Variants in POLA1 observed in about 807,000 individuals in gnomAD.
The protein encoded by POLA1 is DNA polymerase alpha 1, catalytic subunit.
Under a neutral mutation model 124.0 loss-of-function variants are expected in POLA1, and 15 were observed. The ratio of observed to expected loss-of-function variants is 0.12; its 90% CI spans 0.08 to 0.19. POLA1 has a LOEUF of 0.19. POLA1 is among the 10% of genes least tolerant of loss of function. The pLI is 1.00. For synonymous variants in POLA1, 408 were observed against 389.4 expected, an observed-to-expected ratio of 1.05 and a Z score of -0.56; for missense variants, 886 against 1,103.4, an observed-to-expected ratio of 0.80 and a Z score of 2.79.
chrX:24,719,790 C>T lies in POLA1; in HGVS notation c.1087+2032C>T, dbSNP rs766866097. Among the ~76,000 whole-genome samples the T allele has an allele frequency of 3.6e-5, 4 of 111,813 alleles. No individual in the cohort carries two copies. In the Admixed American group the frequency reaches 3.8e-4, roughly 11 times the overall value. On this transcript the variant is annotated intron_variant, in intron 10 of 36. Transcript: ENST00000379068. ...AGCCATCCTTGATTCCCTCCTTTTC[C>T]TCACTTTCCTTTCCAAGTCTGGTTA...
chrX:24,947,560 C>T (rs1288207215), intron 36 of POLA1, among the ~76,000 whole-genome samples: 5 of 111,133 alleles, frequency 4.5e-5, no homozygotes, highest in South Asian at 7.6e-4. Flanking sequence ...CAGGAGCCAC[C>T]GCATCCAGCC....
At chrX:24,836,218 G>A (rs5944688) in intron 32 of POLA1, among the ~76,000 whole-genome samples, 23,568 of 111,223 alleles carry the variant, frequency 0.21, 1,911 homozygotes, top group South Asian at 0.35. Flanking sequence ...TGTAAATTCT[G>A]TATAATATTT....
intron 35 of POLA1, among the ~76,000 whole-genome samples, chrX:24,923,093 A>G (rs187974709): frequency 4.5e-5 from 5 of 111,458 alleles, no homozygotes; most frequent in Non-Finnish European, 9.4e-5. Flanking sequence ...ATATTTCAAC[A>G]TCTGCAGTAT....
chrX:24,705,309 G>A (rs1001137029), intron 4 of POLA1, among the ~76,000 whole-genome samples: 17 of 111,203 alleles, frequency 1.5e-4, no homozygotes, highest in African/African-American at 4.6e-4. Flanking sequence ...GTTTTTAAGC[G>A]GTATTTTAAA....
chrX:24,786,878 G>A (rs1409265805), intron 26 of POLA1, among the ~76,000 whole-genome samples: 1 of 106,650 alleles, frequency 9.4e-6, no homozygotes, highest in African/African-American at 3.4e-5. Context: ...TAAAGATGGG[G>A]TTTTGCCATG....
intron 36 of POLA1, among the ~76,000 whole-genome samples, chrX:24,950,244 C>T (rs1034668533): frequency 5.4e-5 from 6 of 112,038 alleles, no homozygotes; most frequent in East Asian, 2.8e-4. Context: ...CACTGTCCAC[C>T]GGAACTCTTT....
chrX:24,812,863 A>G lies in POLA1; in HGVS notation c.3296A>G (p.Asn1099Ser), dbSNP rs757079419. Residue 1099 changes from asparagine (N) to serine (S), a missense_variant and splice_region_variant, in exon 29 of 37, where the codon AAC (asparagine) becomes AGC (serine). Transcript: ENST00000379068. ...DWCDLAKDTG[N>S]FVIGQILSDQ... ...TGTGATCTTGCTAAAGACACTGGAA[A>G]GTGAGTTCAGCTTTCAGTTTTGCTT... 9.6e-6 allele frequency: 11 copies of G among 1,140,329 alleles called. No homozygotes were observed. In the African/African-American group the frequency reaches 1.6e-4, roughly 17 times the overall value. The allele number at this position is 1,140,329 out of a possible 1,213,427, so 94.0% of individuals were successfully genotyped here. A position where few individuals can be genotyped will look rare whatever the true frequency, so the allele number is the denominator to read the frequency against.
At chrX:24,916,281 T>TTTTTTC (rs1353351240) in intron 35 of POLA1, among the ~76,000 whole-genome samples, 6 of 104,260 alleles carry the variant, frequency 5.8e-5, no homozygotes, top group Admixed American at 2.0e-4. Flanking sequence ...TTTTTTTTTC[T>TTTTTTC]TTTTTCTTTT....
At chrX:24,857,459 T>A (rs774188372) in intron 34 of POLA1, among the ~76,000 whole-genome samples, 1 of 111,996 alleles carries the variant, frequency 8.9e-6, no homozygotes, top group Non-Finnish European at 1.9e-5. Context: ...TTTATTGGAA[T>A]TGTGTTAAAT....
intron 26 of POLA1, among the ~76,000 whole-genome samples, chrX:24,766,589 T>C (rs906576578): frequency 4.5e-5 from 5 of 111,901 alleles, no homozygotes; most frequent in Non-Finnish European, 7.5e-5. Flanking sequence ...GAAAAAAAGC[T>C]ATAAATAATT....
chrX:24,904,603 A>G (rs1163886506), intron 35 of POLA1, among the ~76,000 whole-genome samples: 1 of 111,111 alleles, frequency 9.0e-6, no homozygotes, highest in Non-Finnish European at 1.9e-5. Context: ...AGTCACAAAA[A>G]TACATGACAA....
In POLA1 at chrX:24,903,556, C is replaced by G. The variant is rs185758250; in HGVS notation, c.4164+15434C>G. On this transcript the variant is annotated intron_variant, in intron 35 of 36. Transcript: ENST00000379068. ...AGACCTTTGAAGCAAAACAACAGTT[C>G]TTAAAATATGACAACATATAGAATT... Among the ~76,000 whole-genome samples the G allele has an allele frequency of 5.4e-5, 6 of 111,896 alleles. No individual in the cohort carries two copies. In the East Asian group the frequency reaches 1.1e-3, roughly 21 times the overall value.
intron 36 of POLA1, among the ~76,000 whole-genome samples, chrX:24,955,691 G>C (rs750024294): frequency 5.4e-5 from 6 of 112,026 alleles, no homozygotes; most frequent in Non-Finnish European, 1.9e-5. Flanking sequence ...GACTGACATG[G>C]ACTTGATGAG....
Position 24,760,944 on chromosome X carries a change from A to G in POLA1, c.2964+11952A>G, listed in dbSNP as rs1423944546. On this transcript the variant is annotated intron_variant, in intron 26 of 36. Transcript: ENST00000379068. ...TGTCCTTGTTTCCTTTTTATTGTTA[A>G]TTTTGTGGTTGAATTGGCTTGTATC... Among the ~76,000 whole-genome samples the G allele has an allele frequency of 9.0e-5, 10 of 111,533 alleles. 1 individual carries two copies. The Admixed American group carries it at 9.5e-4, about 11-fold the overall frequency.
At position 24,723,145 on chromosome X, in the gene POLA1, A is replaced by G. The variant is rs772448038; in HGVS notation, c.1088-10A>G. 8.9e-7 allele frequency: 1 copy of G among 1,121,011 alleles called. No individual in the cohort carries two copies. The highest frequency in any genetic ancestry group is 1.2e-6 in the Non-Finnish European group (1 of 813,450). 92.4% of individuals were successfully genotyped at this position (1,121,011 alleles called of 1,213,427 possible). A position where few individuals can be genotyped will look rare whatever the true frequency, so the allele number is the denominator to read the frequency against. On this transcript the variant is annotated splice_polypyrimidine_tract_variant and intron_variant, in intron 10 of 36. Transcript: ENST00000379068. ...GTTTCTTTTCTCGTGATTTTCACTT[A>G]TTCTTTCAGGTGTGGTATTTCTGTT...
intron 34 of POLA1, among the ~76,000 whole-genome samples, chrX:24,855,252 G>C (rs191318392): frequency 2.7e-5 from 3 of 111,351 alleles, no homozygotes; most frequent in African/African-American, 9.8e-5. Context: ...GTTACTTTTG[G>C]GGGGAGGGGT....
chrX:24,727,725 A>G (rs768520450), intron 14 of POLA1, 57 bp from the exon 15 acceptor site: 9 of 952,174 alleles, frequency 9.5e-6, no homozygotes, highest in African/African-American at 1.9e-5. Context: ...TCTTAATTAT[A>G]GTAGTTTTTC....
intron 36 of POLA1, among the ~76,000 whole-genome samples, chrX:24,972,260 C>T (rs994729074): frequency 1.8e-4 from 20 of 112,164 alleles, no homozygotes; most frequent in African/African-American, 5.5e-4. Context: ...CGTGAGCCAC[C>T]GGGCCTGGCC....
At chrX:24,892,776 A>G (rs1033922738) in intron 35 of POLA1, among the ~76,000 whole-genome samples, 7 of 112,281 alleles carry the variant, frequency 6.2e-5, no homozygotes, top group Non-Finnish European at 1.3e-4. Flanking sequence ...TCGAAACTGT[A>G]TAGTCCCTGG....
Sources: gnomAD v4.1 joint callset for allele counts (sites outside exome capture counted in the v4.1 genomes callset) on GRCh38, gnomAD v4.1.1 for gene constraint, MANE v1.5 for transcripts, NCBI Gene and HGNC (gene_info 2026-07-23, HGNC 2026-07-21) for gene names.